Variants in CNTNAP2 observed in about 807,000 individuals in gnomAD.
The protein encoded by CNTNAP2 is contactin-associated protein-like 2.
CNTNAP2 carries 98 observed loss-of-function variants against 155.2 expected under a neutral mutation model. The observed-to-expected ratio is 0.63, with a 90% CI of 0.54 to 0.75. The LOEUF is 0.75. Ranked by LOEUF, CNTNAP2 falls within the 30% of genes least tolerant of loss-of-function variation. The pLI is 0.00. For missense variants in CNTNAP2, 1,727 were observed against 1,688.1 expected (o/e 1.02, Z -0.40); for synonymous variants, 651 against 631.2 (o/e 1.03, Z -0.47).
intron 3 of CNTNAP2, among the ~76,000 whole-genome samples, chr7:146,955,885 T>C (rs992209585): frequency 2.0e-5 from 3 of 152,070 alleles, no homozygotes; most frequent in Admixed American, 2.0e-4. Context: ...AAATATTAAA[T>C]GTATTACTTA....
intron 14 of CNTNAP2, among the ~76,000 whole-genome samples, chr7:147,929,113 A>AAAAAC (rs1800452585): frequency 6.6e-6 from 1 of 150,876 alleles, no homozygotes; most frequent in Non-Finnish European, 1.5e-5. Context: ...AAAAAAAAAA[A>AAAAAC]AAAAAACCTT....
intron 8 of CNTNAP2, among the ~76,000 whole-genome samples, chr7:147,187,658 G>A (rs1802594580): frequency 6.6e-6 from 1 of 152,092 alleles, no homozygotes; most frequent in South Asian, 2.1e-4. Flanking sequence ...TGGATACTCT[G>A]CTCACTACCA....
At chr7:148,194,956 A>G (rs908724447) in intron 18 of CNTNAP2, among the ~76,000 whole-genome samples, 7 of 152,186 alleles carry the variant, frequency 4.6e-5, no homozygotes, top group African/African-American at 1.4e-4. Context: ...AGCCCAGTCA[A>G]GATGACACAT....
At chr7:146,440,199 G>T (rs1639446) in intron 1 of CNTNAP2, among the ~76,000 whole-genome samples, 1 of 151,340 alleles carries the variant, frequency 6.6e-6, no homozygotes, top group Non-Finnish European at 1.5e-5. Context: ...ACCAGTTGCT[G>T]TACTTTTTGG....
intron 1 of CNTNAP2, among the ~76,000 whole-genome samples, chr7:146,429,712 C>T (rs1796144488): frequency 6.6e-6 from 1 of 152,036 alleles, no homozygotes; most frequent in Admixed American, 6.6e-5. Flanking sequence ...TGTGAATATG[C>T]TTTATTTCTT....
intron 8 of CNTNAP2, among the ~76,000 whole-genome samples, chr7:147,270,124 C>G (rs1195668779): frequency 1.3e-5 from 2 of 151,940 alleles, no homozygotes; most frequent in Non-Finnish European, 2.9e-5. Context: ...TGACTCAAAC[C>G]TAAGGTTGAT....
intron 1 of CNTNAP2, among the ~76,000 whole-genome samples, chr7:146,670,494 G>T (rs1287170537): frequency 6.6e-6 from 1 of 151,974 alleles, no homozygotes; most frequent in African/African-American, 2.4e-5. Flanking sequence ...TTAAAATTCT[G>T]CCCTGTTTAT....
At chr7:148,372,629 A>G (rs1342030846) in intron 21 of CNTNAP2, among the ~76,000 whole-genome samples, 1 of 152,056 alleles carries the variant, frequency 6.6e-6, no homozygotes, top group Admixed American at 6.5e-5. Context: ...AATTGCTTGA[A>G]CCCAGGAGGC....
Position 148,402,349 on chromosome 7 carries a change from G to A in CNTNAP2, c.3716-7042G>A, listed in dbSNP as rs757472393. Among the ~76,000 whole-genome samples the A allele has an allele frequency of 1.9e-4, 29 of 152,234 alleles. 1 individual carries two copies. Among genetic ancestry groups the A allele is most frequent in the East Asian group, 9.7e-4 (5 of 5,170 alleles). ...TTTTTTAGAAACTAGGAAGTGAAGGGTAGAGAGAGAAATGTGAAACTCAGG... is the reference window on the plus strand; with the variant it reads ...TTTTTTAGAAACTAGGAAGTGAAGGATAGAGAGAGAAATGTGAAACTCAGG... On this transcript the variant is annotated intron_variant, in intron 22 of 23. Transcript: ENST00000361727.
intron 9 of CNTNAP2, among the ~76,000 whole-genome samples, chr7:147,386,753 G>A (rs141342384): frequency 1.0e-3 from 155 of 152,152 alleles, no homozygotes; most frequent in African/African-American, 3.7e-3. Context: ...AACCTCTGCC[G>A]TCACCAGTTC....
rs1035183233 is a variant in CNTNAP2 at position 146,371,494 on chromosome 7, G to A, written c.97+254521G>A. On this transcript the variant is annotated intron_variant, in intron 1 of 23. Transcript: ENST00000361727. ...TGCCATTCTCCTGCCTCAGCCTCCC[G>A]AGTAGCTGGGACTACAGGTACCCGC... Among the ~76,000 whole-genome samples the A allele has an allele frequency of 1.6e-4, 24 of 147,826 alleles. No homozygotes were observed. The South Asian group carries it at 4.4e-3, about 27-fold the overall frequency.
At chr7:146,584,207 A>C (rs73739116) in intron 1 of CNTNAP2, among the ~76,000 whole-genome samples, 1 of 152,192 alleles carries the variant, frequency 6.6e-6, no homozygotes, top group African/African-American at 2.4e-5. Flanking sequence ...CAAACAAACA[A>C]ACAACAAACA....
intron 1 of CNTNAP2, among the ~76,000 whole-genome samples, chr7:146,587,518 A>G (rs567978521): frequency 6.6e-6 from 1 of 152,206 alleles, no homozygotes; most frequent in Middle Eastern, 3.4e-3. Flanking sequence ...TCACCTTTTA[A>G]TCACATTTTA....
intron 3 of CNTNAP2, among the ~76,000 whole-genome samples, chr7:146,920,450 G>T (rs1409736948): frequency 1.3e-5 from 2 of 151,142 alleles, no homozygotes; most frequent in East Asian, 3.9e-4. Context: ...GTGATAAATA[G>T]GTTAATTACC....
intron 3 of CNTNAP2, among the ~76,000 whole-genome samples, chr7:147,016,354 G>T (rs1184663624): frequency 6.6e-6 from 1 of 151,988 alleles, no homozygotes; most frequent in African/African-American, 2.4e-5. Flanking sequence ...AAACGGCAAA[G>T]AATTACATGG....
chr7:146,266,205 A>G lies in CNTNAP2; in HGVS notation c.97+149232A>G, dbSNP rs1233882552. On this transcript the variant is annotated intron_variant, in intron 1 of 23. Coordinates refer to ENST00000361727, the MANE Select transcript of CNTNAP2 (RefSeq NM_014141.6). ...ACAGTGATACTTAGAGACAAAGGCA[A>G]TGTAAGCTGAAGCAGCTAGTACTGA... Among the ~76,000 whole-genome samples the G allele has an allele frequency of 1.2e-4, 18 of 152,200 alleles. 1 individual carries two copies. The highest frequency in any genetic ancestry group is 1.2e-3 in the Admixed American group (18 of 15,280).
chr7:147,089,185 T>C (rs181180732), intron 4 of CNTNAP2, among the ~76,000 whole-genome samples: 23 of 152,260 alleles, frequency 1.5e-4, no homozygotes, highest in African/African-American at 2.2e-4. Flanking sequence ...GCAGAGAGAA[T>C]TATCTGTATG....
intron 11 of CNTNAP2, among the ~76,000 whole-genome samples, chr7:147,512,851 T>C (rs1477197087): frequency 1.3e-5 from 2 of 152,166 alleles, no homozygotes; most frequent in Non-Finnish European, 2.9e-5. Flanking sequence ...TGTGAAAATA[T>C]TTTAACATCA....
intron 1 of CNTNAP2, among the ~76,000 whole-genome samples, chr7:146,711,413 GTAATATA>G (rs1801070111): frequency 6.8e-6 from 1 of 146,762 alleles, no homozygotes; most frequent in African/African-American, 2.5e-5. Context: ...TATATACTAT[GTAATATA>G]TAATATATAC....
Sources: allele counts gnomAD v4.1 joint callset (sites outside exome capture counted in the v4.1 genomes callset), GRCh38; gene constraint gnomAD v4.1.1; transcripts MANE v1.5; gene names NCBI Gene and HGNC (gene_info 2026-07-23, HGNC 2026-07-21).